CLOCK: variants seen among roughly 807,000 people sequenced by gnomAD.
CLOCK encodes the protein circadian locomoter output cycles protein kaput.
CLOCK carries 43 observed loss-of-function variants against 118.4 expected under a neutral mutation model. The observed-to-expected ratio is 0.36, with a 90% CI of 0.28 to 0.47. The LOEUF is 0.47. CLOCK is among the 20% of genes least tolerant of loss of function. The pLI, the probability that CLOCK is intolerant of heterozygous loss-of-function variation, is 1.00. For missense variants in CLOCK, 846 were observed against 999.9 expected, an observed-to-expected ratio of 0.85 and a Z score of 2.08; for synonymous variants, 326 against 339.2, an observed-to-expected ratio of 0.96 and a Z score of 0.43.
intron 7 of CLOCK, among the ~76,000 whole-genome samples, chr4:55,472,621 G>A (rs1359894909): frequency 6.6e-6 from 1 of 152,150 alleles, no homozygotes; most frequent in Non-Finnish European, 1.5e-5. Flanking sequence ...CAGCACTAGT[G>A]TAGCGCAAGT....
chr4:55,487,457 A>G (rs1367194957), intron 3 of CLOCK, among the ~76,000 whole-genome samples: 1 of 152,186 alleles, frequency 6.6e-6, no homozygotes, highest in African/African-American at 2.4e-5. Flanking sequence ...TTCAGAGAAA[A>G]TAATTATGTA....
chr4:55,447,242 C>T (rs1723935396), intron 18 of CLOCK, among the ~76,000 whole-genome samples: 3 of 152,124 alleles, frequency 2.0e-5, no homozygotes, highest in South Asian at 2.1e-4. Context: ...TGGCATGTGC[C>T]TGTAGTCCCA....
chr4:55,540,262 C>T (rs1256148196), intron 1 of CLOCK, among the ~76,000 whole-genome samples: 1 of 152,036 alleles, frequency 6.6e-6, no homozygotes, highest in Admixed American at 6.6e-5. Flanking sequence ...CCCACCTCAG[C>T]CTCCGAAAGT....
intron 9 of CLOCK, among the ~76,000 whole-genome samples, chr4:55,460,237 A>G (rs1725232249): frequency 6.6e-6 from 1 of 152,080 alleles, no homozygotes; most frequent in South Asian, 2.1e-4. Context: ...TTCCCACCTT[A>G]CTGACTATTC....
intron 1 of CLOCK, among the ~76,000 whole-genome samples, chr4:55,533,400 A>G (rs937618986): frequency 6.6e-6 from 1 of 152,348 alleles, no homozygotes; most frequent in African/African-American, 2.4e-5. Context: ...AGTGTTGGGA[A>G]AACTGAATAT....
At chr4:55,505,152 C>T in intron 2 of CLOCK, among the ~76,000 whole-genome samples, 1 of 111,482 alleles carries the variant, frequency 9.0e-6, no homozygotes, top group Non-Finnish European at 2.0e-5. Context: ...GTCCCCCTCA[C>T]CCCCCCACCA....
intron 18 of CLOCK, 68 bp downstream of exon 18, chr4:55,448,711 A>C (rs934939219): frequency 2.2e-6 from 3 of 1,386,952 alleles, no homozygotes; most frequent in African/African-American, 2.9e-5. Flanking sequence ...ATTTTTAAAA[A>C]AATTACATTA....
intron 1 of CLOCK, among the ~76,000 whole-genome samples, chr4:55,534,137 T>G (rs6554286): frequency 0.3 from 46,211 of 151,968 alleles, 7,332 homozygotes; most frequent in Middle Eastern, 0.4. Flanking sequence ...AGCACTGAAG[T>G]AATTAATAAT....
intron 9 of CLOCK, among the ~76,000 whole-genome samples, chr4:55,463,428 T>C (rs1378642793): frequency 6.6e-6 from 1 of 152,092 alleles, no homozygotes; most frequent in Non-Finnish European, 1.5e-5. Flanking sequence ...TTGCATAAAA[T>C]ACAGCTTTAT....
intron 21 of CLOCK, among the ~76,000 whole-genome samples, chr4:55,441,185 T>A (rs1043228071): frequency 3.3e-5 from 5 of 152,194 alleles, no homozygotes; most frequent in African/African-American, 1.2e-4. Flanking sequence ...AAAAGATAGA[T>A]GTTCAGGGAA....
chr4:55,530,017 T>C (rs1363111635), intron 1 of CLOCK, among the ~76,000 whole-genome samples: 1 of 152,210 alleles, frequency 6.6e-6, no homozygotes, highest in Non-Finnish European at 1.5e-5. Flanking sequence ...AAGCCAATAT[T>C]CTGCTAGTAA....
chr4:55,525,836 T>C (rs1025305132), intron 1 of CLOCK, among the ~76,000 whole-genome samples: 8 of 145,690 alleles, frequency 5.5e-5, no homozygotes, highest in Non-Finnish European at 1.2e-4. Context: ...AAAAAATGAG[T>C]CAAGAAATTA....
At chr4:55,449,623 G>T in intron 16 of CLOCK, 127 bp from the exon 17 acceptor site, 1 of 793,210 alleles carries the variant, frequency 1.3e-6, no homozygotes, top group Non-Finnish European at 2.1e-6. Context: ...TTCAATGAAA[G>T]TGAAGTCCAT....
chr4:55,488,071 ATTAG>A (rs1321889649), intron 3 of CLOCK, among the ~76,000 whole-genome samples: 1 of 152,164 alleles, frequency 6.6e-6, no homozygotes, highest in Non-Finnish European at 1.5e-5. Flanking sequence ...GCTCACTCTT[ATTAG>A]TTATCCCAAA....
intron 3 of CLOCK, among the ~76,000 whole-genome samples, chr4:55,484,004 T>C (rs1365671411): frequency 2.6e-5 from 4 of 152,070 alleles, no homozygotes; most frequent in Non-Finnish European, 1.5e-5. Context: ...TCAAAGGAAA[T>C]GCTCAACGGA....
At chr4:55,529,243 C>T (rs1304881335) in intron 1 of CLOCK, among the ~76,000 whole-genome samples, 1 of 152,160 alleles carries the variant, frequency 6.6e-6, no homozygotes, top group East Asian at 1.9e-4. Context: ...ACTACAGCCT[C>T]GAACTCCTGA....
chr4:55,535,649 T>C (rs1053969408), intron 1 of CLOCK, among the ~76,000 whole-genome samples: 1 of 151,628 alleles, frequency 6.6e-6, no homozygotes, highest in Non-Finnish European at 1.5e-5. Context: ...CTTAAAAAGC[T>C]AAATAAATTA....
At chr4:55,490,266 A>G (rs1727582204) in intron 2 of CLOCK, among the ~76,000 whole-genome samples, 1 of 152,078 alleles carries the variant, frequency 6.6e-6, no homozygotes, top group African/African-American at 2.4e-5. Flanking sequence ...ACAAGAGACA[A>G]AGAAGGACAT....
intron 4 of CLOCK, among the ~76,000 whole-genome samples, chr4:55,481,944 A>AAGTAG (rs1469694860): frequency 7.9e-5 from 12 of 152,316 alleles, no homozygotes; most frequent in Non-Finnish European, 1.6e-4. Flanking sequence ...ATGCTTTAAA[A>AAGTAG]ATGTTGTTGG....
Sources: allele counts gnomAD v4.1 joint callset (sites outside exome capture counted in the v4.1 genomes callset), GRCh38; gene constraint gnomAD v4.1.1; transcripts MANE v1.5; gene names NCBI Gene and HGNC (gene_info 2026-07-23, HGNC 2026-07-21).